PHACTR2: variants seen among roughly 807,000 people sequenced by gnomAD.
The protein encoded by PHACTR2 is chromosome 6 open reading frame 56.
Under a neutral mutation model 76.0 loss-of-function variants are expected in PHACTR2, and 30 were observed. The observed-to-expected ratio is 0.39, with a 90% CI of 0.30 to 0.54. The LOEUF (loss-of-function observed/expected upper bound fraction) is 0.54, where lower values mean the gene tolerates loss of function less well. PHACTR2 is among the 20% of genes least tolerant of loss of function. The pLI is 0.61. For missense variants in PHACTR2, 696 were observed against 781.1 expected (o/e 0.89, Z 1.30); for synonymous variants, 292 against 292.5 (o/e 1.00, Z 0.02).
chr6:143,764,755 G>C lies in PHACTR2; in HGVS notation c.695-506G>C, dbSNP rs148875739. ...TTTTAGCAGTAAGATGAGTGATTTT[G>C]TTTTTGACCCAGAAAGAAGCTGGAT... On this transcript the variant is annotated intron_variant, in intron 5 of 12. Transcript: ENST00000440869. The surrounding 1 kb of genome is among the most constrained non-coding windows in gnomAD (Gnocchi z 4.7). Among the ~76,000 whole-genome samples, 20 of 152,242 alleles carry C rather than the reference G, an allele frequency of 1.3e-4. 1 individual carries two copies. The highest frequency in any genetic ancestry group is 4.8e-4 in the African/African-American group (20 of 41,562).
At position 143,623,319 on chromosome 6, in the gene PHACTR2, T is replaced by C. The variant is rs1296626400; in HGVS notation, c.13+14997T>C. ...TATATGGAGAGAGAAAAAAATGTCATCATAATACCCAAATGAAGGCCCAGG... is the reference window on the plus strand; with the variant it reads ...TATATGGAGAGAGAAAAAAATGTCACCATAATACCCAAATGAAGGCCCAGG... On this transcript the variant is annotated intron_variant, in intron 1 of 11. Transcript: ENST00000305766. This position sits in a 1 kb window ranked among gnomAD's most constrained non-coding sequence, Gnocchi z 5.9. Among the ~76,000 whole-genome samples, 2 of 152,124 alleles carry C rather than the reference T, an allele frequency of 1.3e-5. No individual in the cohort carries two copies. Among genetic ancestry groups the C allele is most frequent in the African/African-American group, 4.8e-5 (2 of 41,428 alleles).
Position 143,819,635 on chromosome 6 carries a change from G to A in PHACTR2, c.1923-4039G>A, listed in dbSNP as rs1054102966. On this transcript the variant is annotated intron_variant, in intron 12 of 12. Transcript: ENST00000440869. The surrounding 1 kb of genome is among the most constrained non-coding windows in gnomAD (Gnocchi z 5.0). ...GAGTACAAAGGGTGGGGAGCCTGGA[G>A]TTGTTGTTCAAGGACAAGAGAGGAA... is the stretch of plus-strand genomic sequence containing the variant. Among the ~76,000 whole-genome samples, 1 of 152,170 alleles carries A rather than the reference G, an allele frequency of 6.6e-6. No individual in the cohort carries two copies. Among genetic ancestry groups the A allele is most frequent in the Non-Finnish European group, 1.5e-5 (1 of 68,024 alleles).
At chr6:143,712,683 T>A (rs1778205627) in intron 2 of PHACTR2, among the ~76,000 whole-genome samples, 1 of 152,200 alleles carries the variant, frequency 6.6e-6, no homozygotes, top group Non-Finnish European at 1.5e-5. Flanking sequence ...TTTGATGTAT[T>A]TATTCTTTAG....
chr6:143,665,062 G>C (rs1309931508), intron 1 of PHACTR2, among the ~76,000 whole-genome samples: 2 of 152,188 alleles, frequency 1.3e-5, no homozygotes, highest in Admixed American at 6.5e-5. Flanking sequence ...GCCTCCCAAA[G>C]TGCTGGGATT....
At chr6:143,573,017 TTCTG>T (rs1479660144) in intron 1 of PHACTR2, among the ~76,000 whole-genome samples, 3 of 152,238 alleles carry the variant, frequency 2.0e-5, no homozygotes, top group Admixed American at 6.5e-5. Context: ...TTTGAAATAA[TTCTG>T]TCCTTACAAA....
In PHACTR2 at chr6:143,678,287, TAGTC is replaced by T; in HGVS notation, c.46+79_46+82del. 1 of 1,324,620 alleles carries T rather than the reference TAGTC, an allele frequency of 7.5e-7. No individual in the cohort carries two copies. The highest frequency in any genetic ancestry group is 2.8e-4 in the Middle Eastern group (1 of 3,586). The allele number at this position is 1,324,620 out of a possible 1,614,324, so 82.1% of individuals were successfully genotyped here. A position where few individuals can be genotyped will look rare whatever the true frequency, so the allele number is the denominator to read the frequency against. On this transcript the variant is annotated intron_variant, in intron 1 of 12. Coordinates refer to ENST00000440869, the MANE Select transcript of PHACTR2 (RefSeq NM_001100164.2). The surrounding 1 kb of genome is among the most constrained non-coding windows in gnomAD (Gnocchi z 6.2). ...GGCGGGGCCCCGGGGCAGGCAGGGT[TAGTC>T]GTCTGGTCGGGTTCCGCTCGGACCC...
chr6:143,799,866 G>A (rs928581886), intron 11 of PHACTR2, among the ~76,000 whole-genome samples: 2 of 152,144 alleles, frequency 1.3e-5, no homozygotes, highest in African/African-American at 4.8e-5. Flanking sequence ...TGTTGATTTG[G>A]GGTGGAGAAT....
chr6:143,537,984 C>A lies in PHACTR2; in HGVS notation c.217+777C>A, dbSNP rs963846096. Among the ~76,000 whole-genome samples the A allele has an allele frequency of 1.3e-5, 2 of 152,218 alleles. No individual in the cohort carries two copies. The highest frequency in any genetic ancestry group is 4.8e-5 in the African/African-American group (2 of 41,456). ...AAATTAGCCGCCGAGGCGGCGCATG[C>A]CTGTAGTCCTAGCTACTCAGGAGGC... On this transcript the variant is annotated intron_variant, in intron 1 of 11. Coordinates refer to the PHACTR2 transcript ENST00000367584. The surrounding 1 kb of genome is among the most constrained non-coding windows in gnomAD (Gnocchi z 4.4).
intron 2 of PHACTR2, among the ~76,000 whole-genome samples, chr6:143,732,281 A>T (rs1028045243): frequency 6.6e-6 from 1 of 152,248 alleles, no homozygotes; most frequent in Admixed American, 6.5e-5. Flanking sequence ...CATACTCATT[A>T]GCAGTCATTC....
intron 1 of PHACTR2, among the ~76,000 whole-genome samples, chr6:143,650,644 A>G (rs1582736251): frequency 1.3e-5 from 2 of 152,280 alleles, no homozygotes; most frequent in Admixed American, 1.3e-4. Context: ...GAAAATTGAA[A>G]CTGGAGTCCT....
rs1240315570 is a variant in PHACTR2 at position 143,678,262 on chromosome 6, G to A, written c.46+53G>A. ...CCCGCCGCGCGGGCGCAGGGCTGGC[G>A]GCGGGGCCCCGGGGCAGGCAGGGTT... On this transcript the variant is annotated intron_variant, in intron 1 of 12. Transcript: ENST00000440869. This position sits in a 1 kb window ranked among gnomAD's most constrained non-coding sequence, Gnocchi z 6.2. 1 of 1,399,720 alleles carries A rather than the reference G, an allele frequency of 7.1e-7. No homozygotes were observed. Among genetic ancestry groups the A allele is most frequent in the Non-Finnish European group, 9.3e-7 (1 of 1,080,004 alleles). The allele number at this position is 1,399,720 out of a possible 1,614,324, so 86.7% of individuals were successfully genotyped here.
At chr6:143,779,263 T>C (rs1226003439) in intron 9 of PHACTR2, among the ~76,000 whole-genome samples, 1 of 152,156 alleles carries the variant, frequency 6.6e-6, no homozygotes, top group Non-Finnish European at 1.5e-5. Context: ...TGTTTGTATG[T>C]TTCATCTCCA....
rs922922373 is a variant in PHACTR2 at position 143,598,607 on chromosome 6, T to C, written c.217+61400T>C. 2.0e-5 allele frequency among the ~76,000 whole-genome samples: 3 copies of C among 152,190 alleles called. No homozygotes were observed. Among genetic ancestry groups the C allele is most frequent in the African/African-American group, 7.2e-5 (3 of 41,442 alleles). ...GTGGGCCAGGGAGGGATCGCAGTCA[T>C]CTGATGGCAAAGCACTTCTCTAAGA... On this transcript the variant is annotated intron_variant, in intron 1 of 11. Coordinates refer to the PHACTR2 transcript ENST00000367584. This position sits in a 1 kb window ranked among gnomAD's most constrained non-coding sequence, Gnocchi z 4.1.
At position 143,814,139 on chromosome 6, in the gene PHACTR2, T is replaced by C. The variant is rs568082743; in HGVS notation, c.1922+7006T>C. Among the ~76,000 whole-genome samples the C allele has an allele frequency of 1.5e-3, 236 of 152,282 alleles. 1 individual carries two copies. The highest frequency in any genetic ancestry group is 5.3e-3 in the African/African-American group (219 of 41,552). ...GGGGGGCCGTGGCCAGAGGATCACA[T>C]GAGGTCAGGAGTTCGAGACGAGCTT... On this transcript the variant is annotated intron_variant, in intron 12 of 12. Coordinates refer to ENST00000440869, the MANE Select transcript of PHACTR2 (RefSeq NM_001100164.2).
chr6:143,722,102 T>C lies in PHACTR2; in HGVS notation c.214+9919T>C, dbSNP rs568969670. 2.0e-5 allele frequency among the ~76,000 whole-genome samples: 3 copies of C among 152,256 alleles called. No homozygotes were observed. The highest frequency in any genetic ancestry group is 4.4e-5 in the Non-Finnish European group (3 of 68,040). ...AGCATCTTGTAAATGTCTAGGGAGCTGGAAGTTCCCATGAAAACTCTCTAT... is the reference window on the plus strand; with the variant it reads ...AGCATCTTGTAAATGTCTAGGGAGCCGGAAGTTCCCATGAAAACTCTCTAT... On this transcript the variant is annotated intron_variant, in intron 2 of 12. Coordinates refer to ENST00000440869, the MANE Select transcript of PHACTR2 (RefSeq NM_001100164.2). The surrounding 1 kb of genome is among the most constrained non-coding windows in gnomAD (Gnocchi z 4.1).
rs1012982528 is a variant in PHACTR2 at position 143,646,630 on chromosome 6, A to T, written c.13+38308A>T. 6.6e-6 allele frequency among the ~76,000 whole-genome samples: 1 copy of T among 152,186 alleles called. No homozygotes were observed. The highest frequency in any genetic ancestry group is 1.5e-5 in the Non-Finnish European group (1 of 68,024). On this transcript the variant is annotated intron_variant, in intron 1 of 11. Coordinates refer to the PHACTR2 transcript ENST00000305766. The surrounding 1 kb of genome is among the most constrained non-coding windows in gnomAD (Gnocchi z 4.1). ...GGAGCAAATAGAGAAGATAATTAGA[A>T]TTCCACTTTTCTTGAAATGTCAAGA...
Position 143,827,188 on chromosome 6 carries a change from A to ATATG in PHACTR2, c.*3502_*3503insGTAT, listed in dbSNP as rs1776561145. On this transcript the variant is annotated 3_prime_UTR_variant, in exon 13 of 13. Coordinates refer to ENST00000440869, the MANE Select transcript of PHACTR2 (RefSeq NM_001100164.2). ...TATATATATATATATATATATATAT[A>ATATG]TATATATATATGTATATTATATATA... The ATATG allele has an allele frequency of 2.3e-5, 3 of 130,190 alleles. No homozygotes were observed. Among genetic ancestry groups the ATATG allele is most frequent in the Non-Finnish European group, 5.0e-5 (3 of 60,038 alleles). 8.1% of individuals were successfully genotyped at this position (130,190 alleles called of 1,614,324 possible). A position where few individuals can be genotyped will look rare whatever the true frequency, so the allele number is the denominator to read the frequency against.
chr6:143,608,489 G>A lies in PHACTR2; in HGVS notation c.13+167G>A, dbSNP rs1473394748. Among the ~76,000 whole-genome samples the A allele has an allele frequency of 1.3e-5, 2 of 152,228 alleles. No homozygotes were observed. Among genetic ancestry groups the A allele is most frequent in the Non-Finnish European group, 2.9e-5 (2 of 68,052 alleles). The stretch of plus-strand genomic sequence containing the variant: ...CGATGCATTGTCCACAAGACAATTA[G>A]TGTTTACTTTGAAGTTTAGGAACTG... On this transcript the variant is annotated intron_variant, in intron 1 of 11. Transcript: ENST00000305766. The surrounding 1 kb of genome is among the most constrained non-coding windows in gnomAD (Gnocchi z 4.6).
rs1428778249 is a variant in PHACTR2 at position 143,695,427 on chromosome 6, A to G, written c.47-16589A>G. ...ACAGAACACTTGGATCCAAGACCCT[A>G]TTTCAGATTCAACATTCAATACCCT... On this transcript the variant is annotated intron_variant, in intron 1 of 12. Transcript: ENST00000440869. This position sits in a 1 kb window ranked among gnomAD's most constrained non-coding sequence, Gnocchi z 4.4. Among the ~76,000 whole-genome samples, 5 of 152,250 alleles carry G rather than the reference A, an allele frequency of 3.3e-5. No homozygotes were observed. The highest frequency in any genetic ancestry group is 1.2e-4 in the African/African-American group (5 of 41,472).
Sources: allele counts gnomAD v4.1 joint callset (sites outside exome capture counted in the v4.1 genomes callset), GRCh38; gene constraint gnomAD v4.1.1; non-coding constraint Gnocchi (gnomAD v3.1); transcripts MANE v1.5; gene names NCBI Gene and HGNC (gene_info 2026-07-23, HGNC 2026-07-21).